Variants in CDK14 observed in about 807,000 individuals in gnomAD.
The protein encoded by CDK14 is cyclin-dependent kinase 14.
CDK14 carries 34 observed loss-of-function variants against 60.7 expected under a neutral mutation model. The observed-to-expected ratio is 0.56, with a 90% CI of 0.43 to 0.75. The LOEUF is 0.75. Among genes scored for constraint, CDK14 ranks in the 30% least tolerant of loss-of-function variants. CDK14 has a pLI of 0.00. For synonymous variants in CDK14, 197 were observed against 203.7 expected, an observed-to-expected ratio of 0.97 and a Z score of 0.28; for missense variants, 482 against 564.1, an observed-to-expected ratio of 0.85 and a Z score of 1.47.
At chr7:91,166,005 AT>A (rs1801335128) in intron 14 of CDK14, among the ~76,000 whole-genome samples, 1 of 152,166 alleles carries the variant, frequency 6.6e-6, no homozygotes, top group Non-Finnish European at 1.5e-5. Flanking sequence ...AGTTTTCAGT[AT>A]TTCCCTCTAT....
chr7:90,742,956 G>A (rs1803413626), intron 3 of CDK14, among the ~76,000 whole-genome samples: 1 of 151,866 alleles, frequency 6.6e-6, no homozygotes, highest in African/African-American at 2.4e-5. Flanking sequence ...TCTTAGGAAG[G>A]GGACCCCAAG....
chr7:90,722,114 A>ACCCCTCTTCTCCCTTCTCC, intron 2 of CDK14, among the ~76,000 whole-genome samples: 1 of 139,354 alleles, frequency 7.2e-6, no homozygotes, highest in East Asian at 2.1e-4. Context: ...CTCCCCTCTT[A>ACCCCTCTTCTCCCTTCTCC]CCCCTCTTCT....
rs546177952 is a variant in CDK14, at chr7:90,856,461, C to G, written c.545-6714C>G. ...CTAAGGAGAAGGTCCAGATTGATCA[C>G]AGTCACAGTGTTTATCATTGCTCTT... On this transcript the variant is annotated intron_variant, in intron 5 of 14. Transcript: ENST00000380050. Among the ~76,000 whole-genome samples the G allele has an allele frequency of 2.6e-5, 4 of 152,150 alleles. No homozygotes were observed. In the South Asian group the frequency reaches 8.3e-4, roughly 32 times the overall value.
At chr7:91,045,183 G>A (rs1396856350) in intron 10 of CDK14, among the ~76,000 whole-genome samples, 1 of 152,132 alleles carries the variant, frequency 6.6e-6, no homozygotes, top group Non-Finnish European at 1.5e-5. Context: ...ATCATTGAGT[G>A]TAAGAGCCAT....
At chr7:90,785,237 C>G (rs966919830) in intron 4 of CDK14, among the ~76,000 whole-genome samples, 99 of 152,074 alleles carry the variant, frequency 6.5e-4, no homozygotes, top group African/African-American at 2.3e-3. Context: ...ATAATTTCTT[C>G]TAGGTGTTAG....
At chr7:91,020,802 C>G (rs1436438992) in intron 10 of CDK14, among the ~76,000 whole-genome samples, 9 of 152,158 alleles carry the variant, frequency 5.9e-5, no homozygotes. Context: ...GGGTCAGGTG[C>G]CAGGCATAGC....
Position 90,729,344 on chromosome 7 carries a change from G to GTTTTTTTTTTTTTTT in CDK14, c.369+2545_369+2559dup, listed in dbSNP as rs1237046149. ...TGCCTTGGATCATGTAGGTATCAAG[G>GTTTTTTTTTTTTTTT]TTTTTTTTTTTTTTTTTTTTTTTTT... is the stretch of plus-strand genomic sequence containing the variant. On this transcript the variant is annotated intron_variant, in intron 3 of 14. Coordinates refer to ENST00000380050, the MANE Select transcript of CDK14 (RefSeq NM_001287135.2). Among the ~76,000 whole-genome samples the GTTTTTTTTTTTTTTT allele has an allele frequency of 3.1e-4, 14 of 45,216 alleles. 2 individuals carry two copies. The highest frequency in any genetic ancestry group is 7.0e-4 in the African/African-American group (8 of 11,368). 29.7% of individuals were successfully genotyped at this position (45,216 alleles called of 152,430 possible).
chr7:90,984,301 A>T, intron 10 of CDK14, 60 bp downstream of exon 10: 2 of 1,009,834 alleles, frequency 2.0e-6, no homozygotes, highest in Non-Finnish European at 3.2e-6. Context: ...ACTTAGTGAC[A>T]AATTCTACAG....
At chr7:90,740,268 T>TAG (rs72006322) in intron 3 of CDK14, among the ~76,000 whole-genome samples, 37,821 of 142,514 alleles carry the variant, frequency 0.27, 4,813 homozygotes, top group East Asian at 0.41. Flanking sequence ...TATATATATA[T>TAG]ATAGAGAGAG....
chr7:91,164,212 A>C (rs1421322677), intron 14 of CDK14, among the ~76,000 whole-genome samples: 2 of 152,220 alleles, frequency 1.3e-5, no homozygotes, highest in Admixed American at 1.3e-4. Context: ...TTAACAAACC[A>C]TTCTACCACT....
chr7:90,627,588 A>G (rs1024681484), intron 2 of CDK14, among the ~76,000 whole-genome samples: 4 of 152,188 alleles, frequency 2.6e-5, no homozygotes, highest in South Asian at 4.1e-4. Context: ...TTTCCCATCA[A>G]AGTGGCCTAG....
At chr7:91,032,003 G>A (rs996068320) in intron 10 of CDK14, among the ~76,000 whole-genome samples, 12 of 152,110 alleles carry the variant, frequency 7.9e-5, no homozygotes, top group Non-Finnish European at 1.6e-4. Flanking sequence ...TGAGTCAATC[G>A]AGATGAATTA....
intron 10 of CDK14, among the ~76,000 whole-genome samples, chr7:91,000,686 A>G (rs1435654404): frequency 6.6e-6 from 1 of 152,236 alleles, no homozygotes; most frequent in Non-Finnish European, 1.5e-5. Flanking sequence ...ACAGAAAGAC[A>G]AAGATGAGAA....
intron 7 of CDK14, among the ~76,000 whole-genome samples, chr7:90,902,124 C>T (rs1792527104): frequency 6.6e-6 from 1 of 151,972 alleles, no homozygotes; most frequent in Admixed American, 6.6e-5. Flanking sequence ...GAAAAACATC[C>T]TATGATCATG....
chr7:90,748,419 G>C (rs1222681137), intron 4 of CDK14, among the ~76,000 whole-genome samples: 1 of 152,166 alleles, frequency 6.6e-6, no homozygotes, highest in African/African-American at 2.4e-5. Flanking sequence ...TAAGGACAGA[G>C]AGTTACTGTA....
intron 1 of CDK14, 68 bp from the exon 2 acceptor site, chr7:90,604,150 G>GT: frequency 9.6e-7 from 1 of 1,047,006 alleles, no homozygotes; most frequent in Non-Finnish European, 1.4e-6. Flanking sequence ...TTTTTTTTCT[G>GT]TTTTCTATAA....
intron 9 of CDK14, among the ~76,000 whole-genome samples, chr7:90,970,763 A>G (rs1050022878): frequency 1.3e-5 from 2 of 152,204 alleles, no homozygotes; most frequent in Non-Finnish European, 1.5e-5. Context: ...AGTCTCTTAG[A>G]AATGAAGTTA....
chr7:91,042,750 T>C (rs1797123696), intron 10 of CDK14, among the ~76,000 whole-genome samples: 1 of 152,234 alleles, frequency 6.6e-6, no homozygotes, highest in Non-Finnish European at 1.5e-5. Flanking sequence ...TCTTTTTGTT[T>C]CATTTGCAAA....
intron 4 of CDK14, among the ~76,000 whole-genome samples, chr7:90,778,676 A>G (rs1805157021): frequency 6.6e-6 from 1 of 151,326 alleles, no homozygotes; most frequent in South Asian, 2.1e-4. Context: ...TTCTTCCCCC[A>G]TTTTTTCTTT....
Sources: gnomAD v4.1 joint callset for allele counts (sites outside exome capture counted in the v4.1 genomes callset) on GRCh38, gnomAD v4.1.1 for gene constraint, MANE v1.5 for transcripts, NCBI Gene and HGNC (gene_info 2026-07-23, HGNC 2026-07-21) for gene names.